GLIS3: variants seen among roughly 807,000 people sequenced by gnomAD.
GLIS3 encodes zinc finger protein GLIS3.
In GLIS3, 53 loss-of-function variants were observed where a neutral mutation model predicts 78.6. That is an observed-to-expected ratio of 0.67 (90% CI 0.54 to 0.85). The LOEUF is 0.85. GLIS3 is among the 40% of genes least tolerant of loss of function. GLIS3 has a pLI of 0.00. For synonymous variants in GLIS3, 684 were observed against 509.9 expected (o/e 1.34, Z -4.60); for missense variants, 1,703 against 1,231.1 (o/e 1.38, Z -5.74).
chr9:4,335,668 G>A (rs4131424), intron 2 of GLIS3, among the ~76,000 whole-genome samples: 24,315 of 152,004 alleles, frequency 0.16, 2,005 homozygotes, highest in African/African-American at 0.2. Context: ...CTTTCAACAC[G>A]GCTTAGGGTT....
chr9:3,848,254 A>C (rs564988476), intron 9 of GLIS3, among the ~76,000 whole-genome samples: 10 of 152,234 alleles, frequency 6.6e-5, no homozygotes, highest in African/African-American at 2.4e-4. Flanking sequence ...TAATCCCAGC[A>C]CTTTGGGAGG....
chr9:4,238,015 G>A (rs1587094528), intron 2 of GLIS3, among the ~76,000 whole-genome samples: 1 of 152,152 alleles, frequency 6.6e-6, no homozygotes, highest in South Asian at 2.1e-4. Flanking sequence ...TTCTACCTAG[G>A]AATGTTCTAG....
intron 4 of GLIS3, among the ~76,000 whole-genome samples, chr9:4,060,451 A>C (rs962696535): frequency 2.0e-5 from 3 of 152,180 alleles, no homozygotes; most frequent in African/African-American, 7.2e-5. Context: ...CCCCGTGTTG[A>C]AACTTAATCC....
chr9:4,401,619 G>C, the GLIS3 span, among the ~76,000 whole-genome samples: 1 of 150,056 alleles, frequency 6.7e-6, no homozygotes, highest in East Asian at 2.0e-4. Context: ...CCAGGCTGGA[G>C]TGCAATGGTG....
At chr9:4,119,860 A>G (rs1832048230) in intron 3 of GLIS3, among the ~76,000 whole-genome samples, 1 of 152,244 alleles carries the variant, frequency 6.6e-6, no homozygotes, top group African/African-American at 2.4e-5. Flanking sequence ...TGCCTTGAAA[A>G]TAAAAATCAC....
intron 2 of GLIS3, among the ~76,000 whole-genome samples, chr9:4,222,236 G>A (rs577954197): frequency 3.9e-5 from 6 of 152,194 alleles, no homozygotes; most frequent in South Asian, 2.1e-4. Context: ...CACTAAACAC[G>A]GTAGCAAAGT....
intron 2 of GLIS3, among the ~76,000 whole-genome samples, chr9:4,171,082 T>G (rs1214692054): frequency 6.6e-6 from 1 of 152,208 alleles, no homozygotes; most frequent in Non-Finnish European, 1.5e-5. Context: ...TGAATGCACT[T>G]TGATGAGTAT....
the GLIS3 span, among the ~76,000 whole-genome samples, chr9:4,408,256 C>T: frequency 6.6e-6 from 1 of 152,076 alleles, no homozygotes; most frequent in Admixed American, 6.5e-5. Flanking sequence ...AGCAATCCCA[C>T]TGCTGAGTAT....
chr9:4,394,149 T>C, the GLIS3 span, among the ~76,000 whole-genome samples: 1 of 150,306 alleles, frequency 6.7e-6, no homozygotes, highest in Non-Finnish European at 1.5e-5. Flanking sequence ...CCCCCTTGAT[T>C]GCTAACCGTG....
the GLIS3 span, among the ~76,000 whole-genome samples, chr9:4,380,355 G>T: frequency 6.6e-6 from 1 of 152,084 alleles, no homozygotes; most frequent in Non-Finnish European, 1.5e-5. Context: ...TTGGCTCTAA[G>T]CAAAATGATT....
intron 2 of GLIS3, among the ~76,000 whole-genome samples, chr9:4,331,966 T>C (rs183484951): frequency 9.2e-5 from 14 of 152,342 alleles, no homozygotes; most frequent in African/African-American, 3.1e-4. Flanking sequence ...GACTAAAGCA[T>C]GAGCCCTTCC....
rs748464735 is a variant in GLIS3, at chr9:3,829,411, C to A, written c.2555G>T (p.Ser852Ile). ...QRIVPPVSSC[S>I]VVPSFEDCLV... Reference sequence around the variant, plus strand: ...GCAGTCCTCAAACGAAGGCACCACACTGCAGGAGCTGACAGGCGGCACAAT... The same window carrying A: ...GCAGTCCTCAAACGAAGGCACCACAATGCAGGAGCTGACAGGCGGCACAAT... The change falls in exon 10 of 11, where the codon AGT becomes ATT. Residue 852 changes from serine (S) to isoleucine (I), a missense_variant. Transcript: ENST00000381971. The A allele has an allele frequency of 2.0e-5, 33 of 1,614,036 alleles. No individual in the cohort carries two copies. In the East Asian group the frequency reaches 6.2e-4, roughly 31 times the overall value.
Position 4,074,414 on chromosome 9 carries a change from G to C in GLIS3, c.1710+43354C>G, listed in dbSNP as rs138918467. ...AAACACTCACCTACTCCTCCTGTTA[G>C]TAATTTATGGAAGGCTGATGTCATC... On this transcript the variant is annotated intron_variant, in intron 4 of 10. Transcript: ENST00000381971. Among the ~76,000 whole-genome samples, 388 of 152,206 alleles carry C rather than the reference G, an allele frequency of 2.5e-3. 2 individuals are homozygous for C. Among genetic ancestry groups the C allele is most frequent in the African/African-American group, 9.0e-3 (373 of 41,508 alleles).
At position 3,977,591 on chromosome 9, in the gene GLIS3, A is replaced by T. The variant is rs1282049825; in HGVS notation, c.1711-40402T>A. Among the ~76,000 whole-genome samples the T allele has an allele frequency of 6.6e-6, 1 of 152,116 alleles. No homozygotes were observed. The highest frequency in any genetic ancestry group is 1.9e-4 in the East Asian group (1 of 5,190). On this transcript the variant is annotated intron_variant, in intron 4 of 10. Coordinates refer to ENST00000381971, the MANE Select transcript of GLIS3 (RefSeq NM_001042413.2). The surrounding 1 kb of genome is among the most constrained non-coding windows in gnomAD (Gnocchi z 4.1). ...GTATGGGATGTGAGCTGGGTTTCAG[A>T]TTTTCAATAACAAATCTGTCACTCC...
chr9:4,221,728 A>C (rs1293306094), intron 2 of GLIS3, among the ~76,000 whole-genome samples: 6 of 152,254 alleles, frequency 3.9e-5, no homozygotes, highest in African/African-American at 1.4e-4. Flanking sequence ...GAAACACATT[A>C]CAAAGGAGCA....
chr9:4,228,499 A>T (rs1221092229), intron 2 of GLIS3, among the ~76,000 whole-genome samples: 1 of 152,178 alleles, frequency 6.6e-6, no homozygotes, highest in Non-Finnish European at 1.5e-5. Context: ...TGTATATAAA[A>T]TCATATTCAT....
the GLIS3 span, among the ~76,000 whole-genome samples, chr9:4,399,970 T>C: frequency 5.3e-5 from 8 of 151,392 alleles, no homozygotes; most frequent in African/African-American, 1.5e-4. Context: ...AAATAGGAGG[T>C]GGGAGTGGGA....
chr9:4,188,114 TATG>T (rs1817980356), intron 2 of GLIS3, among the ~76,000 whole-genome samples: 1 of 151,606 alleles, frequency 6.6e-6, no homozygotes, highest in African/African-American at 2.4e-5. Context: ...GCCCATTCAG[TATG>T]ATATTGGCTG....
intron 4 of GLIS3, among the ~76,000 whole-genome samples, chr9:3,944,335 C>T (rs985737975): frequency 6.6e-6 from 1 of 152,156 alleles, no homozygotes; most frequent in South Asian, 2.1e-4. Flanking sequence ...CAAATGGAAC[C>T]TCATCATGGG....
Sources: gnomAD v4.1 joint callset for allele counts (sites outside exome capture counted in the v4.1 genomes callset) on GRCh38, gnomAD v4.1.1 for gene constraint, Gnocchi (gnomAD v3.1) non-coding constraint, MANE v1.5 for transcripts, NCBI Gene and HGNC (gene_info 2026-07-23, HGNC 2026-07-21) for gene names.